Variants in ST6GAL1 observed in about 807,000 individuals in gnomAD.
ST6GAL1 encodes the protein ST6 beta-galactoside alpha-2,6-sialyltransferase 1, also known as beta-galactoside alpha-2,6-sialyltransferase 1.
A neutral mutation model predicts 38.0 loss-of-function variants in ST6GAL1; 20 were observed. The ratio of observed to expected loss-of-function variants is 0.53; its 90% confidence interval spans 0.37 to 0.77. The LOEUF (loss-of-function observed/expected upper bound fraction) is 0.77, where lower values mean the gene tolerates loss of function less well. Among genes scored for constraint, ST6GAL1 ranks in the 30% least tolerant of loss-of-function variants. The pLI, the probability that ST6GAL1 is intolerant of heterozygous loss-of-function variation, is 0.00. For synonymous variants in ST6GAL1, 196 were observed against 188.2 expected, an observed-to-expected ratio of 1.04 and a Z score of -0.34; for missense variants, 432 against 496.4, an observed-to-expected ratio of 0.87 and a Z score of 1.23.
At chr3:187,035,258 C>A (rs1200494034) in intron 2 of ST6GAL1, among the ~76,000 whole-genome samples, 6 of 152,110 alleles carry the variant, frequency 3.9e-5, no homozygotes, top group African/African-American at 1.4e-4. Context: ...ATGGATGACA[C>A]AAACTAATGG....
chr3:187,021,794 G>A (rs1717313949), intron 2 of ST6GAL1: 1 of 151,098 alleles, frequency 6.6e-6, no homozygotes, highest in African/African-American at 2.4e-5. Context: ...CCTATGCCCT[G>A]GGGGAAGAAA....
intron 5 of ST6GAL1, among the ~76,000 whole-genome samples, chr3:187,066,341 A>G (rs1719127346): frequency 6.6e-6 from 1 of 152,248 alleles, no homozygotes; most frequent in South Asian, 2.1e-4. Context: ...CGTGGTGGAA[A>G]GAGAGAGCTC....
intron 2 of ST6GAL1, among the ~76,000 whole-genome samples, chr3:187,020,190 G>C (rs528536333): frequency 1.3e-5 from 2 of 152,098 alleles, no homozygotes; most frequent in Admixed American, 1.3e-4. Context: ...CCAGCTACTC[G>C]GGAGGCTGAG....
chr3:187,030,932 G>A (rs62292645), intron 2 of ST6GAL1, among the ~76,000 whole-genome samples: 58 of 152,336 alleles, frequency 3.8e-4, no homozygotes, highest in Non-Finnish European at 7.5e-4. Flanking sequence ...GGTGATGGGT[G>A]GGTAGGTGGG....
chr3:187,029,354 T>C (rs1401260636), intron 2 of ST6GAL1, among the ~76,000 whole-genome samples: 2 of 152,120 alleles, frequency 1.3e-5, no homozygotes. Flanking sequence ...TAAACAATAA[T>C]GTGTAGGATC....
At chr3:186,960,493 A>G (rs1401164915) in intron 1 of ST6GAL1, among the ~76,000 whole-genome samples, 1 of 152,236 alleles carries the variant, frequency 6.6e-6, no homozygotes, top group Non-Finnish European at 1.5e-5. Context: ...GAGGGAGGTC[A>G]GAGAGCAGAA....
intron 3 of ST6GAL1, among the ~76,000 whole-genome samples, chr3:187,041,128 C>T (rs913517535): frequency 1.3e-5 from 2 of 152,206 alleles, no homozygotes; most frequent in African/African-American, 4.8e-5. Flanking sequence ...TAGTTCAAAT[C>T]CAATGAATAC....
chr3:187,022,359 G>C (rs189412247), intron 2 of ST6GAL1, among the ~76,000 whole-genome samples: 334 of 152,262 alleles, frequency 2.2e-3, no homozygotes, highest in Non-Finnish European at 2.7e-3. Context: ...CAGGGACTTG[G>C]GGGGTAGAGG....
intron 1 of ST6GAL1, among the ~76,000 whole-genome samples, chr3:186,947,561 GTATT>G (rs1313326717): frequency 3.3e-5 from 5 of 151,976 alleles, no homozygotes; most frequent in Middle Eastern, 3.2e-3. Context: ...GTTTAGATTG[GTATT>G]TATTATTATT....
intron 2 of ST6GAL1, among the ~76,000 whole-genome samples, chr3:186,974,504 A>G (rs191454350): frequency 6.6e-6 from 1 of 152,234 alleles, no homozygotes; most frequent in East Asian, 1.9e-4. Context: ...AAATCAACCC[A>G]TGTTAAGTAT....
At chr3:187,071,739 G>A (rs1385366420) in intron 5 of ST6GAL1, among the ~76,000 whole-genome samples, 3 of 132,478 alleles carry the variant, frequency 2.3e-5, no homozygotes, top group East Asian at 2.3e-4. Flanking sequence ...CAGCCTGGGC[G>A]ACACAGGCTG....
intron 7 of ST6GAL1, 98 bp downstream of exon 7, chr3:187,074,431 T>A: frequency 7.6e-7 from 1 of 1,311,196 alleles, no homozygotes; most frequent in Non-Finnish European, 1.0e-6. Flanking sequence ...GTTCATTTGT[T>A]CACTAAACAA....
chr3:186,955,968 A>G (rs1023268436), intron 1 of ST6GAL1, among the ~76,000 whole-genome samples: 1 of 152,000 alleles, frequency 6.6e-6, no homozygotes, highest in African/African-American at 2.4e-5. Flanking sequence ...GTGTATAGGA[A>G]TGCTTGTGAT....
At chr3:186,939,047 G>T (rs539778634) in intron 1 of ST6GAL1, among the ~76,000 whole-genome samples, 6 of 133,818 alleles carry the variant, frequency 4.5e-5, no homozygotes, top group African/African-American at 1.7e-4. Context: ...TGAGGAGAGA[G>T]ACAGAAAGTC....
chr3:187,053,261 T>C (rs930094357), intron 5 of ST6GAL1, among the ~76,000 whole-genome samples: 15 of 152,248 alleles, frequency 9.9e-5, no homozygotes, highest in African/African-American at 3.6e-4. Context: ...CTGTTCACTC[T>C]GATGGTCGTT....
chr3:187,055,763 T>C (rs1430783146), intron 5 of ST6GAL1, among the ~76,000 whole-genome samples: 1 of 152,232 alleles, frequency 6.6e-6, no homozygotes, highest in African/African-American at 2.4e-5. Flanking sequence ...GATGTGGTGC[T>C]GAGACAAATG....
At chr3:187,023,592 G>T (rs1184286709) in intron 2 of ST6GAL1, among the ~76,000 whole-genome samples, 1 of 152,156 alleles carries the variant, frequency 6.6e-6, no homozygotes, top group Admixed American at 6.5e-5. Context: ...GTAGGGACAT[G>T]GATGAAGCTG....
chr3:187,066,597 CGTGCGTGTGTGT>C (rs1185607258), intron 5 of ST6GAL1, among the ~76,000 whole-genome samples: 1 of 116,938 alleles, frequency 8.6e-6, no homozygotes, highest in Non-Finnish European at 1.9e-5. Context: ...GATGTGCGTG[CGTGCGTGTGTGT>C]GTGTGTGTGT....
Position 187,048,880 on chromosome 3 carries a change from A to ATTTTTTTTTTT in ST6GAL1, c.608-2351_608-2341dup, listed in dbSNP as rs374148828. Among the ~76,000 whole-genome samples the ATTTTTTTTTTT allele has an allele frequency of 3.4e-4, 39 of 115,440 alleles. 1 individual carries two copies. The highest frequency in any genetic ancestry group is 1.4e-3 in the African/African-American group (36 of 26,566). The allele number at this position is 115,440 out of a possible 152,430, so 75.7% of individuals were successfully genotyped here. ...TCTGGCTCTGTCCCTGAGAAATTGA[A>ATTTTTTTTTTT]TTTTTTTTTTTTTTTTTTTTTTTTT... is the stretch of plus-strand genomic sequence containing the variant. On this transcript the variant is annotated intron_variant, in intron 4 of 7. Coordinates refer to ENST00000169298, the MANE Select transcript of ST6GAL1 (RefSeq NM_173216.2).
Sources: allele counts gnomAD v4.1 joint callset (sites outside exome capture counted in the v4.1 genomes callset), GRCh38; gene constraint gnomAD v4.1.1; transcripts MANE v1.5; gene names NCBI Gene and HGNC (gene_info 2026-07-23, HGNC 2026-07-21).